The following SIK2 variants were observed in gnomAD, a reference collection of about 807,000 sequenced individuals.
SIK2 encodes the protein salt inducible kinase 2.
A neutral mutation model predicts 103.2 loss-of-function variants in SIK2; 29 were observed. That is an observed-to-expected ratio of 0.28 (90% CI 0.21 to 0.38). SIK2 has a LOEUF of 0.38. Among genes scored for constraint, SIK2 ranks in the 10% least tolerant of loss-of-function variants. SIK2 has a pLI of 1.00. For synonymous variants in SIK2, 412 were observed against 446.1 expected, an observed-to-expected ratio of 0.92 and a Z score of 0.96; for missense variants, 879 against 1,171.0, an observed-to-expected ratio of 0.75 and a Z score of 3.64.
chr11:111,648,379 C>G (rs1194749597), intron 3 of SIK2, among the ~76,000 whole-genome samples: 1 of 152,072 alleles, frequency 6.6e-6, no homozygotes, highest in East Asian at 1.9e-4. Flanking sequence ...TAAGGACCCA[C>G]TTTCTCAGAT....
chr11:111,711,261 G>A (rs1009811436), intron 8 of SIK2, among the ~76,000 whole-genome samples: 6 of 151,934 alleles, frequency 3.9e-5, no homozygotes, highest in African/African-American at 9.7e-5. Context: ...TGGGACTACA[G>A]GCACCCGCCA....
intron 3 of SIK2, among the ~76,000 whole-genome samples, chr11:111,661,451 A>G (rs1285035724): frequency 4.6e-5 from 7 of 152,244 alleles, no homozygotes; most frequent in Admixed American, 4.6e-4. Context: ...AGATACTTCT[A>G]TAAGCCAATA....
intron 8 of SIK2, among the ~76,000 whole-genome samples, chr11:111,708,401 AAAAT>A (rs999314750): frequency 6.6e-5 from 10 of 152,288 alleles, no homozygotes; most frequent in African/African-American, 2.2e-4. Context: ...AACATAAAAA[AAAAT>A]AAATAAAGTA....
At chr11:111,723,007 G>A (rs1331899917) in intron 14 of SIK2, among the ~76,000 whole-genome samples, 1 of 152,186 alleles carries the variant, frequency 6.6e-6, no homozygotes, top group African/African-American at 2.4e-5. Flanking sequence ...TTTGGGGTAT[G>A]ACTAGCTCCA....
intron 3 of SIK2, among the ~76,000 whole-genome samples, chr11:111,673,683 G>T (rs570562669): frequency 3.3e-4 from 51 of 152,300 alleles, no homozygotes; most frequent in African/African-American, 1.2e-3. Flanking sequence ...AGAAATTATA[G>T]GGTAAGAGAT....
chr11:111,660,343 T>C (rs937356033), intron 3 of SIK2, among the ~76,000 whole-genome samples: 2 of 152,006 alleles, frequency 1.3e-5, no homozygotes, highest in African/African-American at 4.8e-5. Flanking sequence ...ATGCACCGTG[T>C]ATAAGCTCTT....
chr11:111,682,172 T>G (rs1368043753), intron 3 of SIK2, among the ~76,000 whole-genome samples: 32 of 152,218 alleles, frequency 2.1e-4, no homozygotes. Context: ...TAGAGGCACC[T>G]GTGATGTATT....
chr11:111,645,663 AC>A (rs1942245770), intron 3 of SIK2, among the ~76,000 whole-genome samples: 1 of 152,084 alleles, frequency 6.6e-6, no homozygotes. Flanking sequence ...TCTACTAAAA[AC>A]ATTAGCCAGG....
intron 10 of SIK2, 59 bp from the exon 11 acceptor site, chr11:111,720,419 C>T (rs992170779): frequency 3.4e-6 from 5 of 1,491,846 alleles, no homozygotes; most frequent in East Asian, 4.5e-5. Context: ...TGCTTTGTAC[C>T]CTATGTTCCA....
At chr11:111,640,879 C>G (rs531652387) in intron 3 of SIK2, among the ~76,000 whole-genome samples, 1 of 151,572 alleles carries the variant, frequency 6.6e-6, no homozygotes, top group South Asian at 2.1e-4. Context: ...GGACTACAGG[C>G]CCCCGCTACC....
chr11:111,617,049 A>C (rs964871598), intron 2 of SIK2, among the ~76,000 whole-genome samples: 1 of 152,200 alleles, frequency 6.6e-6, no homozygotes, highest in African/African-American at 2.4e-5. Context: ...TTAGTAGATA[A>C]AATAAATTTG....
chr11:111,723,612 G>A lies in SIK2; in HGVS notation c.2264G>A (p.Arg755His), dbSNP rs144562229. 6.4e-5 allele frequency: 104 copies of A among 1,613,530 alleles called. No homozygotes were observed. Among genetic ancestry groups the A allele is most frequent in the Non-Finnish European group, 8.0e-5 (94 of 1,179,930 alleles). The change falls in exon 15 of 15, where the codon CGC (arginine) becomes CAC (histidine). Residue 755 changes from arginine to histidine, a missense_variant. By Grantham distance (29) the Arg-to-His change is conservative. Coordinates refer to ENST00000304987, the MANE Select transcript of SIK2 (RefSeq NM_015191.3). ...PQPSQQLPLP[R>H]QETPPPSQQA... ...CCAAGTCAGCAGCTGCCCCTTCCCCGCCAGGAGACTCCACCGCCTTCTCAG... is the reference window on the plus strand; with the variant it reads ...CCAAGTCAGCAGCTGCCCCTTCCCCACCAGGAGACTCCACCGCCTTCTCAG...
intron 1 of SIK2, 115 bp from the exon 2 acceptor site, chr11:111,616,128 T>C (rs1328590309): frequency 1.6e-6 from 1 of 644,174 alleles, no homozygotes; most frequent in Admixed American, 2.7e-5. Context: ...TAAACTGCTA[T>C]CATCAGTGTC....
chr11:111,648,160 G>A lies in SIK2; in HGVS notation c.316+27758G>A, dbSNP rs192632371. Among the ~76,000 whole-genome samples the A allele has an allele frequency of 2.0e-5, 3 of 152,094 alleles. No homozygotes were observed. The East Asian group carries it at 5.8e-4, about 29-fold the overall frequency. ...AGTAATTAAGAGATTTTAAAACATA[G>A]TTGTAGAATACTATGCATGGTATGA... is the stretch of plus-strand genomic sequence containing the variant. On this transcript the variant is annotated intron_variant, in intron 3 of 14. Coordinates refer to ENST00000304987, the MANE Select transcript of SIK2 (RefSeq NM_015191.3).
rs1385642937 is a variant in SIK2 at position 111,729,884 on chromosome 11, C to T, written c.*5755C>T. 6.6e-6 allele frequency: 1 copy of T among 152,274 alleles called. No individual in the cohort carries two copies. The highest frequency in any genetic ancestry group is 1.9e-4 in the East Asian group (1 of 5,192). 9.4% of individuals were successfully genotyped at this position (152,274 alleles called of 1,614,324 possible). On this transcript the variant is annotated 3_prime_UTR_variant, in exon 15 of 15. Coordinates refer to ENST00000304987, the MANE Select transcript of SIK2 (RefSeq NM_015191.3). Reference sequence around the variant, plus strand: ...GTCCAGTTAACTGCAGAAGTTTAGGCTCACCTCAAAGATGTCTAGTTTTTC... The same window carrying T: ...GTCCAGTTAACTGCAGAAGTTTAGGTTCACCTCAAAGATGTCTAGTTTTTC...
At chr11:111,627,413 T>G (rs1941975063) in intron 3 of SIK2, among the ~76,000 whole-genome samples, 1 of 152,192 alleles carries the variant, frequency 6.6e-6, no homozygotes, top group Admixed American at 6.5e-5. Context: ...ATTTTAGTAT[T>G]GTTGTTGTTA....
intron 3 of SIK2, among the ~76,000 whole-genome samples, chr11:111,676,672 G>A (rs1439938847): frequency 6.6e-6 from 1 of 152,156 alleles, no homozygotes; most frequent in Non-Finnish European, 1.5e-5. Context: ...TGCTAAAAAT[G>A]TAGATACCTT....
chr11:111,607,073 T>C (rs1218128520), intron 1 of SIK2, among the ~76,000 whole-genome samples: 5 of 152,184 alleles, frequency 3.3e-5, no homozygotes, highest in African/African-American at 1.2e-4. Context: ...TGAGTTTTCC[T>C]CAACACCATA....
At chr11:111,659,553 C>T (rs1248268175) in intron 3 of SIK2, among the ~76,000 whole-genome samples, 3 of 152,134 alleles carry the variant, frequency 2.0e-5, no homozygotes, top group Non-Finnish European at 4.4e-5. Flanking sequence ...TCTGTCTATG[C>T]CTCCTCACTG....
Sources: gnomAD v4.1 joint callset for allele counts (sites outside exome capture counted in the v4.1 genomes callset) on GRCh38, gnomAD v4.1.1 for gene constraint, MANE v1.5 for transcripts, NCBI Gene and HGNC (gene_info 2026-07-23, HGNC 2026-07-21) for gene names.